The following MAGI1 variants were observed in gnomAD, a reference collection of about 807,000 sequenced individuals.
MAGI1 encodes membrane-associated guanylate kinase, WW and PDZ domain-containing protein 1.
A neutral mutation model predicts 139.9 loss-of-function variants in MAGI1; 58 were observed. The observed-to-expected ratio is 0.41, with a 90% CI of 0.34 to 0.52. The LOEUF (loss-of-function observed/expected upper bound fraction) is 0.52. MAGI1 is among the 20% of genes least tolerant of loss of function. MAGI1 has a pLI of 0.12. For missense variants in MAGI1, 1,874 were observed against 1,901.6 expected (o/e 0.99, Z 0.27); for synonymous variants, 812 against 737.9 (o/e 1.10, Z -1.63).
chr3:65,520,916 C>G (rs2078123765), intron 2 of MAGI1, among the ~76,000 whole-genome samples: 1 of 152,202 alleles, frequency 6.6e-6, no homozygotes, highest in Admixed American at 6.5e-5. Context: ...TTAACACTAT[C>G]ACATCTATTT....
At chr3:65,464,418 T>A (rs1175678612) in intron 5 of MAGI1, among the ~76,000 whole-genome samples, 5 of 152,164 alleles carry the variant, frequency 3.3e-5, no homozygotes, top group African/African-American at 1.2e-4. Flanking sequence ...GTGTCCCACC[T>A]ATTTTAATGT....
Position 65,833,208 on chromosome 3 carries a change from T to G in MAGI1, c.313+204788A>C, listed in dbSNP as rs2042621427. Among the ~76,000 whole-genome samples, 3 of 151,942 alleles carry G rather than the reference T, an allele frequency of 2.0e-5. No homozygotes were observed. In the South Asian group the frequency reaches 6.2e-4, roughly 32 times the overall value. ...TCTTGGGGTCACTGCAACCTCCGTC[T>G]CCCGGCTTCAAGAGATTCTCCTACC... On this transcript the variant is annotated intron_variant, in intron 1 of 22. Coordinates refer to ENST00000402939, the MANE Select transcript of MAGI1 (RefSeq NM_001033057.2).
chr3:65,620,729 G>A (rs2083621450), intron 2 of MAGI1, among the ~76,000 whole-genome samples: 1 of 152,182 alleles, frequency 6.6e-6, no homozygotes, highest in Non-Finnish European at 1.5e-5. Flanking sequence ...CCTCCTCTCC[G>A]TCAAATGCAG....
At chr3:65,936,868 G>T (rs6779641) in intron 1 of MAGI1, among the ~76,000 whole-genome samples, 65,971 of 151,106 alleles carry the variant, frequency 0.44, 15,105 homozygotes, top group East Asian at 0.76. Context: ...AGTAGCTGGG[G>T]CTACAGGTGT....
At chr3:65,603,975 G>T (rs1576451144) in intron 2 of MAGI1, among the ~76,000 whole-genome samples, 1 of 152,170 alleles carries the variant, frequency 6.6e-6, no homozygotes, top group East Asian at 1.9e-4. Context: ...CCTCGGAAAG[G>T]CCCCATCTCT....
chr3:65,393,120 T>A (rs888799845), intron 13 of MAGI1, among the ~76,000 whole-genome samples: 1 of 152,196 alleles, frequency 6.6e-6, no homozygotes, highest in Admixed American at 6.5e-5. Flanking sequence ...CATTCCAGAG[T>A]TGATAGAACC....
chr3:65,784,397 T>C (rs967534809), intron 1 of MAGI1, among the ~76,000 whole-genome samples: 2 of 152,104 alleles, frequency 1.3e-5, no homozygotes, highest in Non-Finnish European at 2.9e-5. Context: ...ACAACCCAGA[T>C]GCCTATCAAC....
At chr3:65,649,604 G>A (rs1359154828) in intron 1 of MAGI1, among the ~76,000 whole-genome samples, 1 of 152,110 alleles carries the variant, frequency 6.6e-6, no homozygotes, top group African/African-American at 2.4e-5. Context: ...AAGGATTAGT[G>A]TCTATCTGGA....
Position 65,850,335 on chromosome 3 carries a change from T to C in MAGI1, c.313+187661A>G, listed in dbSNP as rs371097325. ...AGTATGGAAAAACCTGGAAACCATA[T>C]GCAAACTTAATCCCAGTTTGCCCGG... On this transcript the variant is annotated intron_variant, in intron 1 of 22. Transcript: ENST00000402939. Among the ~76,000 whole-genome samples the C allele has an allele frequency of 3.6e-4, 55 of 152,288 alleles. 2 individuals are homozygous for C. The highest frequency in any genetic ancestry group is 1.9e-3 in the South Asian group (9 of 4,826).
chr3:65,637,626 A>G (rs1233642082), intron 1 of MAGI1, among the ~76,000 whole-genome samples: 3 of 151,476 alleles, frequency 2.0e-5, no homozygotes, highest in African/African-American at 7.3e-5. Flanking sequence ...GAAAATTGCA[A>G]AAGGGCTTAT....
chr3:65,705,809 G>C lies in MAGI1; in HGVS notation c.314-83721C>G, dbSNP rs1024724187. 6.6e-5 allele frequency among the ~76,000 whole-genome samples: 10 copies of C among 152,178 alleles called. No homozygotes were observed. In the East Asian group the frequency reaches 1.3e-3, roughly 20 times the overall value. ...ACTTTTAAGTCTCTTGTTCAGACAG[G>C]GTTAATGTATAGGTTTGGGGCTAAT... On this transcript the variant is annotated intron_variant, in intron 1 of 22. Transcript: ENST00000402939.
At chr3:65,362,684 T>C (rs1298907452) in intron 21 of MAGI1, among the ~76,000 whole-genome samples, 1 of 152,228 alleles carries the variant, frequency 6.6e-6, no homozygotes, top group Non-Finnish European at 1.5e-5. Flanking sequence ...TTTTTCCCTT[T>C]TTCTGCTCAG....
rs559416488 is a variant in MAGI1, at chr3:65,481,663, A to T, written c.551-2865T>A. Reference sequence around the variant, plus strand: ...TTTATATGCATAATTTCCTAACCATATCACTCAGTTTCAGTGCCATTAAAC... The same window carrying T: ...TTTATATGCATAATTTCCTAACCATTTCACTCAGTTTCAGTGCCATTAAAC... On this transcript the variant is annotated intron_variant, in intron 3 of 22. Transcript: ENST00000402939. Among the ~76,000 whole-genome samples the T allele has an allele frequency of 2.0e-5, 3 of 152,342 alleles. No homozygotes were observed. In the East Asian group the frequency reaches 5.8e-4, roughly 29 times the overall value.
At chr3:65,730,489 C>T (rs2034075482) in intron 1 of MAGI1, among the ~76,000 whole-genome samples, 1 of 152,216 alleles carries the variant, frequency 6.6e-6, no homozygotes, top group African/African-American at 2.4e-5. Flanking sequence ...TCTTCTACTT[C>T]CCCTCACGTC....
At position 65,363,616 on chromosome 3, in the gene MAGI1, A is replaced by T; in HGVS notation, c.3352-8T>A. 6.2e-7 allele frequency: 1 copy of T among 1,611,442 alleles called. No homozygotes were observed. The highest frequency in any genetic ancestry group is 8.5e-7 in the Non-Finnish European group (1 of 1,179,112). The stretch of plus-strand genomic sequence containing the variant: ...AGTGTAAAAATCTTGCTCCTATTTA[A>T]AGAAATTAAATGCAATCATTCTAGG... On this transcript the variant is annotated splice_polypyrimidine_tract_variant and splice_region_variant and intron_variant, in intron 20 of 22. Coordinates refer to ENST00000402939, the MANE Select transcript of MAGI1 (RefSeq NM_001033057.2).
intron 1 of MAGI1, among the ~76,000 whole-genome samples, chr3:65,879,622 T>C (rs2060247639): frequency 6.6e-6 from 1 of 152,182 alleles, no homozygotes. Context: ...CTCAGAATCA[T>C]CTGTAAACTG....
chr3:65,562,343 C>T (rs2080398015), intron 2 of MAGI1, among the ~76,000 whole-genome samples: 1 of 152,154 alleles, frequency 6.6e-6, no homozygotes, highest in Admixed American at 6.5e-5. Flanking sequence ...TACAGAATGC[C>T]ACTCATTGTA....
At chr3:65,970,522 T>TA (rs10576566) in intron 1 of MAGI1, among the ~76,000 whole-genome samples, 246 of 141,454 alleles carry the variant, frequency 1.7e-3, no homozygotes, top group South Asian at 5.2e-3. Context: ...ACAATTTTGT[T>TA]AAAAAAAAAA....
intron 1 of MAGI1, among the ~76,000 whole-genome samples, chr3:65,880,491 AT>A (rs766731327): frequency 9.8e-5 from 15 of 152,340 alleles, no homozygotes; most frequent in Non-Finnish European, 1.8e-4. Flanking sequence ...TGGAAATGGT[AT>A]CACCAAAGGA....
Sources: gnomAD v4.1 joint callset for allele counts (sites outside exome capture counted in the v4.1 genomes callset) on GRCh38, gnomAD v4.1.1 for gene constraint, MANE v1.5 for transcripts, NCBI Gene and HGNC (gene_info 2026-07-23, HGNC 2026-07-21) for gene names.